The following ARMC2 variants were observed in gnomAD, a reference collection of about 807,000 sequenced individuals.
ARMC2 encodes armadillo repeat containing 2.
ARMC2 carries 67 observed loss-of-function variants against 90.3 expected under a neutral mutation model. The observed-to-expected ratio is 0.74, with a 90% CI of 0.61 to 0.91. ARMC2 has a LOEUF of 0.91. Among genes scored for constraint, ARMC2 ranks in the 40% least tolerant of loss-of-function variants. The pLI, the probability that ARMC2 is intolerant of heterozygous loss-of-function variation, is 0.00. For missense variants in ARMC2, 920 were observed against 1,030.9 expected, an observed-to-expected ratio of 0.89 and a Z score of 1.47; for synonymous variants, 393 against 393.0, an observed-to-expected ratio of 1.00 and a Z score of 0.00.
the ARMC2 span, among the ~76,000 whole-genome samples, chr6:108,989,495 C>G: frequency 7.3e-6 from 1 of 137,680 alleles, no homozygotes; most frequent in Admixed American, 7.1e-5. Flanking sequence ...ATCTCTAGAT[C>G]TAGAGATATC....
chr6:108,906,494 CTTA>C (rs1772740161), intron 8 of ARMC2, among the ~76,000 whole-genome samples: 1 of 149,046 alleles, frequency 6.7e-6, no homozygotes, highest in African/African-American at 2.5e-5. Context: ...TTTTCTTTTT[CTTA>C]AAGACAAGAT....
At chr6:108,970,442 G>C (rs894026753) in intron 17 of ARMC2, among the ~76,000 whole-genome samples, 1 of 151,428 alleles carries the variant, frequency 6.6e-6, no homozygotes, top group Non-Finnish European at 1.5e-5. Context: ...GGAAAGAAGG[G>C]CTTCTGCAAC....
chr6:108,946,186 A>G (rs1463471981), intron 12 of ARMC2, among the ~76,000 whole-genome samples: 1 of 152,196 alleles, frequency 6.6e-6, no homozygotes, highest in Non-Finnish European at 1.5e-5. Flanking sequence ...TGCCTGATTT[A>G]TGTCTGCTGG....
chr6:108,912,549 G>T lies in ARMC2; in HGVS notation c.1341G>T (p.Leu447Phe). ...CATTTTTGCCTAATTCGGGCCACTT[G>T]CTAGTCCAGGTAAGTATTTTACTTG... ...CGTFLPNSGHLLVQVTATLRN... is the reference protein window; with the variant it reads ...CGTFLPNSGHFLVQVTATLRN... Residue 447 changes from leucine (L) to phenylalanine (F), a missense_variant, in exon 10 of 18, where the codon TTG (leucine) becomes TTT (phenylalanine). Transcript: ENST00000392644. 27 of 1,611,166 alleles carry T rather than the reference G, an allele frequency of 1.7e-5. No individual in the cohort carries two copies. Among genetic ancestry groups the T allele is most frequent in the Non-Finnish European group, 2.3e-5 (27 of 1,177,690 alleles).
rs117942691 is a variant in ARMC2, at chr6:108,959,993, T to G, written c.1916-1579T>G. 2.9e-3 allele frequency among the ~76,000 whole-genome samples: 440 copies of G among 152,196 alleles called. 15 individuals carry two copies. The East Asian group carries it at 0.068, about 24-fold the overall frequency. Reference sequence around the variant, plus strand: ...CTGACACCACACCCGGCTAATTTTTTGTATTTTTTGTAAAGACAGGGTTTC... The same window carrying G: ...CTGACACCACACCCGGCTAATTTTTGGTATTTTTTGTAAAGACAGGGTTTC... On this transcript the variant is annotated intron_variant, in intron 13 of 17. Transcript: ENST00000392644.
the ARMC2 span, among the ~76,000 whole-genome samples, chr6:109,052,735 G>C: frequency 6.6e-6 from 1 of 152,076 alleles, no homozygotes; most frequent in Non-Finnish European, 1.5e-5. Context: ...AGGCTTAAAG[G>C]CAAAACTATA....
chr6:108,872,980 A>G (rs907946193), intron 4 of ARMC2, among the ~76,000 whole-genome samples: 12 of 152,180 alleles, frequency 7.9e-5, no homozygotes, highest in Non-Finnish European at 1.6e-4. Context: ...TCAACACAGC[A>G]TTTCACAAAC....
At chr6:108,968,132 G>T (rs1778504272) in intron 17 of ARMC2, among the ~76,000 whole-genome samples, 1 of 152,226 alleles carries the variant, frequency 6.6e-6, no homozygotes, top group Non-Finnish European at 1.5e-5. Context: ...CTTGATAGCT[G>T]CATGTGGATT....
At chr6:108,884,187 G>A (rs999460130) in intron 5 of ARMC2, among the ~76,000 whole-genome samples, 1 of 152,098 alleles carries the variant, frequency 6.6e-6, no homozygotes, top group Non-Finnish European at 1.5e-5. Context: ...CTGTGCTGAG[G>A]GGTTGAGAGA....
chr6:108,956,244 A>G (rs1441955465), intron 13 of ARMC2, among the ~76,000 whole-genome samples: 4 of 152,232 alleles, frequency 2.6e-5, no homozygotes, highest in Admixed American at 6.5e-5. Flanking sequence ...AGAGTTATGC[A>G]TGATTCATTT....
chr6:108,889,144 C>A (rs181801228), intron 5 of ARMC2, among the ~76,000 whole-genome samples: 102 of 152,106 alleles, frequency 6.7e-4, no homozygotes, highest in Admixed American at 2.9e-3. Flanking sequence ...AACTTTTATT[C>A]TTTTATTATT....
chr6:108,880,036 G>A (rs935827696), intron 5 of ARMC2: 27 of 431,196 alleles, frequency 6.3e-5, no homozygotes, highest in African/African-American at 5.0e-4. Context: ...AGGGCTTCTG[G>A]TTAAAGGCAC....
chr6:109,043,661 A>G, the ARMC2 span, among the ~76,000 whole-genome samples: 5 of 152,222 alleles, frequency 3.3e-5, no homozygotes, highest in Non-Finnish European at 7.3e-5. Context: ...TATAGACTCT[A>G]TACACCAAAA....
At chr6:108,858,027 A>G (rs976075285) in intron 2 of ARMC2, among the ~76,000 whole-genome samples, 172 bp from the exon 3 acceptor site, 1 of 152,252 alleles carries the variant, frequency 6.6e-6, no homozygotes, top group African/African-American at 2.4e-5. Flanking sequence ...AAAAGTAATC[A>G]AAAGACTTGT....
the ARMC2 span, among the ~76,000 whole-genome samples, chr6:108,993,706 A>C: frequency 6.6e-6 from 1 of 152,114 alleles, no homozygotes; most frequent in Non-Finnish European, 1.5e-5. Context: ...GGTTGTTGGT[A>C]ATTTAATAAA....
chr6:108,993,018 A>G, the ARMC2 span: 1 of 632,232 alleles, frequency 1.6e-6, no homozygotes, highest in Non-Finnish European at 2.8e-6. Flanking sequence ...AATATCAACC[A>G]AAGTAGTCTT....
chr6:108,933,224 G>T (rs1178966045), intron 11 of ARMC2, among the ~76,000 whole-genome samples: 1 of 152,020 alleles, frequency 6.6e-6, no homozygotes, highest in Non-Finnish European at 1.5e-5. Context: ...CCATTTGTTT[G>T]TGTCTTCTCT....
At chr6:108,959,945 C>T (rs570636225) in intron 13 of ARMC2, among the ~76,000 whole-genome samples, 106 of 152,198 alleles carry the variant, frequency 7.0e-4, no homozygotes, top group Admixed American at 3.0e-3. Flanking sequence ...CTTGGCTTCC[C>T]AAAGTGCTGG....
At chr6:108,974,952 G>A (rs772341652), downstream of ARMC2, among the ~76,000 whole-genome samples, 2 of 151,600 alleles carry the variant, frequency 1.3e-5, no homozygotes, top group Non-Finnish European at 2.9e-5. Flanking sequence ...GCACATGCCT[G>A]TAATCTCAGC....
Sources: gnomAD v4.1 joint callset for allele counts (sites outside exome capture counted in the v4.1 genomes callset) on GRCh38, gnomAD v4.1.1 for gene constraint, MANE v1.5 for transcripts, NCBI Gene and HGNC (gene_info 2026-07-23, HGNC 2026-07-21) for gene names.